The following ZCCHC7 variants were observed in gnomAD, a reference collection of about 807,000 sequenced individuals.
The protein encoded by ZCCHC7 is zinc finger CCHC domain-containing protein 7.
ZCCHC7 carries 35 observed loss-of-function variants against 52.0 expected under a neutral mutation model. The observed-to-expected ratio is 0.67, with a 90% CI of 0.51 to 0.89. ZCCHC7 has a LOEUF of 0.89. Ranked by LOEUF, ZCCHC7 falls within the 40% of genes least tolerant of loss-of-function variation. The probability of loss-of-function intolerance (pLI) is 0.00; values close to 1 mark genes in which losing one functional copy is unlikely to be tolerated. For missense variants in ZCCHC7, 574 were observed against 649.1 expected (o/e 0.88, Z 1.26); for synonymous variants, 217 against 221.5 (o/e 0.98, Z 0.18).
chr9:37,281,860 A>T (rs556448526), intron 2 of ZCCHC7, among the ~76,000 whole-genome samples: 12 of 152,330 alleles, frequency 7.9e-5, no homozygotes, highest in African/African-American at 2.9e-4. Flanking sequence ...CAGCTGAATT[A>T]TGACCTCCTT....
At chr9:37,316,246 G>C (rs1238349273) in intron 5 of ZCCHC7, among the ~76,000 whole-genome samples, 1 of 151,854 alleles carries the variant, frequency 6.6e-6, no homozygotes, top group East Asian at 1.9e-4. Flanking sequence ...TTTTAATACA[G>C]ATGGGGTTTC....
chr9:37,306,982 T>A (rs1829358278), intron 5 of ZCCHC7, among the ~76,000 whole-genome samples: 1 of 150,704 alleles, frequency 6.6e-6, no homozygotes, highest in Non-Finnish European at 1.5e-5. Flanking sequence ...GACAGCAGGG[T>A]TTCACCATGG....
chr9:37,185,229 G>A (rs1822587294), intron 2 of ZCCHC7, among the ~76,000 whole-genome samples: 1 of 152,150 alleles, frequency 6.6e-6, no homozygotes, highest in African/African-American at 2.4e-5. Context: ...CTCTTGCTAT[G>A]TTAGGTACAC....
intron 2 of ZCCHC7, among the ~76,000 whole-genome samples, chr9:37,145,958 C>A (rs1176343820): frequency 6.6e-6 from 1 of 151,908 alleles, no homozygotes; most frequent in Non-Finnish European, 1.5e-5. Context: ...GTGTAGAACA[C>A]ACATTTTCAC....
chr9:37,165,952 A>G (rs961129325), intron 2 of ZCCHC7, among the ~76,000 whole-genome samples: 1 of 152,220 alleles, frequency 6.6e-6, no homozygotes, highest in Non-Finnish European at 1.5e-5. Context: ...TTATAATTGC[A>G]AATTTAATTT....
At chr9:37,303,515 T>G (rs1262110553) in intron 3 of ZCCHC7, among the ~76,000 whole-genome samples, 1 of 151,360 alleles carries the variant, frequency 6.6e-6, no homozygotes, top group Non-Finnish European at 1.5e-5. Context: ...TCAGTACCCC[T>G]GCTCGATCTG....
chr9:37,325,223 T>A (rs1456622626), intron 5 of ZCCHC7, among the ~76,000 whole-genome samples: 3 of 152,230 alleles, frequency 2.0e-5, no homozygotes, highest in Non-Finnish European at 4.4e-5. Context: ...AAAACAGATG[T>A]ACAAGTACAC....
At chr9:37,283,015 A>G (rs1296858904) in intron 2 of ZCCHC7, among the ~76,000 whole-genome samples, 1 of 151,744 alleles carries the variant, frequency 6.6e-6, no homozygotes, top group African/African-American at 2.4e-5. Flanking sequence ...TCATGCTACT[A>G]CTAATAGTTC....
At chr9:37,132,574 T>C (rs987554106) in intron 2 of ZCCHC7, among the ~76,000 whole-genome samples, 1 of 152,238 alleles carries the variant, frequency 6.6e-6, no homozygotes, top group Non-Finnish European at 1.5e-5. Context: ...TGTGTATGCA[T>C]GTATACACAT....
At chr9:37,223,796 G>C (rs1023671342) in intron 2 of ZCCHC7, among the ~76,000 whole-genome samples, 1 of 152,078 alleles carries the variant, frequency 6.6e-6, no homozygotes, top group African/African-American at 2.4e-5. Flanking sequence ...GTAATGAATT[G>C]TTTGCTGTGG....
chr9:37,355,822 A>C (rs1399310148), intron 8 of ZCCHC7, among the ~76,000 whole-genome samples: 1 of 152,228 alleles, frequency 6.6e-6, no homozygotes, highest in Non-Finnish European at 1.5e-5. Context: ...CTCATTGTGC[A>C]AGGGTCAGCT....
chr9:37,264,514 T>G (rs1827010941), intron 2 of ZCCHC7, among the ~76,000 whole-genome samples: 1 of 152,168 alleles, frequency 6.6e-6, no homozygotes, highest in Non-Finnish European at 1.5e-5. Flanking sequence ...CCACTGCCTT[T>G]TTTATTGTGT....
At chr9:37,308,325 G>GT (rs1390348982) in intron 5 of ZCCHC7, among the ~76,000 whole-genome samples, 1 of 151,432 alleles carries the variant, frequency 6.6e-6, no homozygotes. Context: ...TAGTTTGGCA[G>GT]TTATCTTTAA....
chr9:37,194,375 G>T (rs1823177375), intron 2 of ZCCHC7, among the ~76,000 whole-genome samples: 1 of 152,118 alleles, frequency 6.6e-6, no homozygotes, highest in Non-Finnish European at 1.5e-5. Context: ...CAACGGCCTT[G>T]CAACTCAAGA....
At chr9:37,321,951 A>C (rs1830071353) in intron 5 of ZCCHC7, among the ~76,000 whole-genome samples, 1 of 152,192 alleles carries the variant, frequency 6.6e-6, no homozygotes, top group African/African-American at 2.4e-5. Context: ...TCATTATTCC[A>C]ATACCAAAGG....
At chr9:37,327,464 T>G (rs531776583) in intron 5 of ZCCHC7, 1 of 237,812 alleles carries the variant, frequency 4.2e-6, no homozygotes, top group Admixed American at 5.4e-5. Flanking sequence ...GTGTACTTGG[T>G]GAGTTTTATT....
intron 8 of ZCCHC7, among the ~76,000 whole-genome samples, chr9:37,355,473 T>C (rs1055131587): frequency 2.6e-5 from 4 of 152,348 alleles, no homozygotes; most frequent in Admixed American, 6.5e-5. Flanking sequence ...TTCTGACTCT[T>C]TTGGCCTTTT....
intron 7 of ZCCHC7, among the ~76,000 whole-genome samples, chr9:37,350,910 T>C (rs766112428): frequency 6.6e-6 from 1 of 152,178 alleles, no homozygotes; most frequent in African/African-American, 2.4e-5. Flanking sequence ...TAAACTAATA[T>C]CAAACCAGAT....
intron 2 of ZCCHC7, among the ~76,000 whole-genome samples, chr9:37,173,591 A>G (rs1050213966): frequency 7.2e-5 from 11 of 152,184 alleles, no homozygotes; most frequent in African/African-American, 2.7e-4. Flanking sequence ...AAATACAACT[A>G]TATATTTTTA....
Sources: gnomAD v4.1 joint callset for allele counts (sites outside exome capture counted in the v4.1 genomes callset) on GRCh38, gnomAD v4.1.1 for gene constraint, MANE v1.5 for transcripts, NCBI Gene and HGNC (gene_info 2026-07-23, HGNC 2026-07-21) for gene names.